Variants in UBAC2 observed in about 807,000 individuals in gnomAD.
UBAC2 encodes the protein UBA domain containing 2.
In UBAC2, 26 loss-of-function variants were observed where a neutral mutation model predicts 44.0. That is an observed-to-expected ratio of 0.59 (90% CI 0.43 to 0.82). The LOEUF (loss-of-function observed/expected upper bound fraction) is 0.82, where lower values mean the gene tolerates loss of function less well. Among genes scored for constraint, UBAC2 ranks in the 40% least tolerant of loss-of-function variants. The pLI is 0.00. For synonymous variants in UBAC2, 155 were observed against 154.3 expected, an observed-to-expected ratio of 1.00 and a Z score of -0.04; for missense variants, 329 against 419.4, an observed-to-expected ratio of 0.78 and a Z score of 1.88.
chr13:99,350,478 A>C (rs1172807178), intron 7 of UBAC2, among the ~76,000 whole-genome samples: 1 of 152,242 alleles, frequency 6.6e-6, no homozygotes, highest in East Asian at 1.9e-4. Flanking sequence ...TTATATCTAC[A>C]TAATGAAGCT....
intron 4 of UBAC2, among the ~76,000 whole-genome samples, chr13:99,275,773 G>A (rs1165327145): frequency 6.6e-6 from 1 of 151,988 alleles, no homozygotes; most frequent in East Asian, 1.9e-4. Context: ...TATCTGTTTG[G>A]ATTTAAGATC....
intron 6 of UBAC2, among the ~76,000 whole-genome samples, chr13:99,338,071 T>TTTTTTTTTTTTTTTTTTTTTTTTA: frequency 9.5e-6 from 1 of 105,076 alleles, no homozygotes; most frequent in Middle Eastern, 6.5e-3. Flanking sequence ...TTTTTTTTTT[T>TTTTTTTTTTTTTTTTTTTTTTTTA]TTTTGAGACA....
chr13:99,283,713 CTTTTTTTTTTTTTTTTTTTTTTTT>C (rs71118470), intron 4 of UBAC2, among the ~76,000 whole-genome samples: 17 of 62,564 alleles, frequency 2.7e-4, no homozygotes, highest in Non-Finnish European at 4.4e-4. Context: ...TTAATGCCAC[CTTTTTTTTTTTTTTTTTTTTTTTT>C]TTTTTTTTTT....
intron 1 of UBAC2, among the ~76,000 whole-genome samples, chr13:99,216,562 G>A (rs910133000): frequency 6.6e-6 from 1 of 152,184 alleles, no homozygotes; most frequent in African/African-American, 2.4e-5. Context: ...GCAGAAACTG[G>A]TGCTGTAGTG....
Position 99,380,203 on chromosome 13 carries a change from G to A in UBAC2, c.928-5025G>A, listed in dbSNP as rs997648338. On this transcript the variant is annotated intron_variant, in intron 8 of 8. Coordinates refer to ENST00000403766, the MANE Select transcript of UBAC2 (RefSeq NM_001144072.2). ...AAGTTTCAAATTCTGGAGCATTTTCGATTTTGAATTTTCAGATTAGGAATG... is the reference window on the plus strand; with the variant it reads ...AAGTTTCAAATTCTGGAGCATTTTCAATTTTGAATTTTCAGATTAGGAATG... 9.2e-5 allele frequency among the ~76,000 whole-genome samples: 14 copies of A among 152,310 alleles called. No individual in the cohort carries two copies. In the East Asian group the frequency reaches 1.9e-3, roughly 21 times the overall value.
At position 99,385,739 on chromosome 13, in the gene UBAC2, A is replaced by G; in HGVS notation, c.*404A>G. ...AGAGGGTAATGTTACTTCACAAAGG[A>G]CATGTCAGATCCTTCTTCATGGACT... is the stretch of plus-strand genomic sequence containing the variant. On this transcript the variant is annotated 3_prime_UTR_variant, in exon 9 of 9. Transcript: ENST00000403766. 1 of 179,366 alleles carries G rather than the reference A, an allele frequency of 5.6e-6. No homozygotes were observed. The highest frequency in any genetic ancestry group is 2.6e-3 in the Middle Eastern group (1 of 382). 11.1% of individuals were successfully genotyped at this position (179,366 alleles called of 1,614,324 possible). A position where few individuals can be genotyped will look rare whatever the true frequency, so the allele number is the denominator to read the frequency against.
chr13:99,383,680 G>A lies in UBAC2; in HGVS notation c.928-1548G>A, dbSNP rs142297948. Among the ~76,000 whole-genome samples, 11 of 152,374 alleles carry A rather than the reference G, an allele frequency of 7.2e-5. No homozygotes were observed. The East Asian group carries it at 1.7e-3, about 24-fold the overall frequency. On this transcript the variant is annotated intron_variant, in intron 8 of 8. Transcript: ENST00000403766. Reference sequence around the variant, plus strand: ...AAAGCAACGTTCCGGGGAGGAGCACGCTCACTGCGTGCATTTGTAAGCCTA... The same window carrying A: ...AAAGCAACGTTCCGGGGAGGAGCACACTCACTGCGTGCATTTGTAAGCCTA...
chr13:99,325,098 CTTT>C (rs55672515), intron 6 of UBAC2, among the ~76,000 whole-genome samples: 11 of 86,136 alleles, frequency 1.3e-4, no homozygotes, highest in South Asian at 4.4e-4. Context: ...TGTCTATGCT[CTTT>C]TTTTTTTTTT....
chr13:99,212,966 A>T (rs1001817229), intron 1 of UBAC2, among the ~76,000 whole-genome samples: 1 of 152,266 alleles, frequency 6.6e-6, no homozygotes, highest in Non-Finnish European at 1.5e-5. Flanking sequence ...TATGTAGTGT[A>T]GAAGGGATTA....
intron 4 of UBAC2, chr13:99,255,928 A>G (rs2043547330): frequency 6.9e-7 from 1 of 1,457,170 alleles, no homozygotes; most frequent in African/African-American, 1.4e-5. Context: ...GTTAAGAAAA[A>G]TAAGAATAAA....
intron 7 of UBAC2, among the ~76,000 whole-genome samples, chr13:99,344,945 T>A (rs2044951184): frequency 6.6e-6 from 1 of 152,156 alleles, no homozygotes; most frequent in Admixed American, 6.5e-5. Context: ...TAGATGAGCA[T>A]CCAAGAAACA....
intron 4 of UBAC2, among the ~76,000 whole-genome samples, chr13:99,285,715 G>C (rs1343109239): frequency 6.6e-6 from 1 of 152,010 alleles, no homozygotes; most frequent in Non-Finnish European, 1.5e-5. Flanking sequence ...TCTGTTCCAG[G>C]GTTCTCCTAG....
chr13:99,318,145 T>C (rs1032364084), intron 6 of UBAC2, 76 bp downstream of exon 6: 81 of 1,313,824 alleles, frequency 6.2e-5, no homozygotes, highest in Non-Finnish European at 8.2e-5. Flanking sequence ...CCTATTTAGA[T>C]TGTGCGTCAT....
At chr13:99,338,039 CTTTTTTTCTTTTTTTTTTTTTTT>C (rs2044819710) in intron 6 of UBAC2, among the ~76,000 whole-genome samples, 1 of 91,562 alleles carries the variant, frequency 1.1e-5, no homozygotes, top group African/African-American at 5.0e-5. Flanking sequence ...AACTTTTTTT[CTTTTTTTCTTTTTTTTTTTTTTT>C]TTTTTTTTTT....
At chr13:99,236,984 A>T (rs541995581) in intron 1 of UBAC2, among the ~76,000 whole-genome samples, 8 of 151,868 alleles carry the variant, frequency 5.3e-5, no homozygotes, top group South Asian at 2.1e-4. Context: ...TTAAAAAAAA[A>T]AAATAAAACT....
chr13:99,372,789 T>C (rs2045425048), intron 8 of UBAC2: 1 of 152,158 alleles, frequency 6.6e-6, no homozygotes, highest in South Asian at 2.1e-4. Flanking sequence ...CTTCGAGTAA[T>C]CAAATACGCT....
At chr13:99,269,987 C>T (rs778581423) in intron 4 of UBAC2, among the ~76,000 whole-genome samples, 3 of 152,264 alleles carry the variant, frequency 2.0e-5, no homozygotes, top group African/African-American at 2.4e-5. Flanking sequence ...TTCATAAAGG[C>T]GTGTGCTGTA....
intron 6 of UBAC2, 24 bp downstream of exon 6, chr13:99,318,093 C>A (rs1271152778): frequency 2.1e-5 from 33 of 1,597,062 alleles, no homozygotes; most frequent in Non-Finnish European, 2.7e-5. Context: ...CCCTTTTACA[C>A]CCAATTCTCT....
chr13:99,265,972 A>G (rs974500908), intron 4 of UBAC2, among the ~76,000 whole-genome samples: 9 of 152,156 alleles, frequency 5.9e-5, no homozygotes, highest in African/African-American at 2.2e-4. Context: ...TATGAAATAG[A>G]TCCAGATTTC....
Sources: gnomAD v4.1 joint callset for allele counts (sites outside exome capture counted in the v4.1 genomes callset) on GRCh38, gnomAD v4.1.1 for gene constraint, MANE v1.5 for transcripts, NCBI Gene and HGNC (gene_info 2026-07-23, HGNC 2026-07-21) for gene names.